The following PKN2 variants were observed in gnomAD, a reference collection of about 807,000 sequenced individuals.
PKN2 encodes protein kinase N2.
Under a neutral mutation model 119.1 loss-of-function variants are expected in PKN2, and 38 were observed. The observed-to-expected ratio is 0.32, with a 90% confidence interval of 0.25 to 0.42. The LOEUF is 0.42. PKN2 is among the 10% of genes least tolerant of loss of function. The pLI is 1.00. For missense variants in PKN2, 850 were observed against 1,165.1 expected (o/e 0.73, Z 3.94); for synonymous variants, 390 against 384.9 (o/e 1.01, Z -0.15).
intron 4 of PKN2, among the ~76,000 whole-genome samples, chr1:88,770,741 A>G (rs2100801113): frequency 6.6e-6 from 1 of 151,198 alleles, no homozygotes; most frequent in East Asian, 1.9e-4. Context: ...GTCCGCCACT[A>G]CGCCCGGCTA....
rs966130427 is a variant in PKN2, at chr1:88,765,449, A to G, written c.505-4903A>G. ...TCCATCCAGGTCCCTCCAACCGCCA[A>G]TCCTCCAGTATTGCCTGTTTAAGCT... On this transcript the variant is annotated intron_variant, in intron 3 of 21. Transcript: ENST00000370521. 9.2e-5 allele frequency among the ~76,000 whole-genome samples: 14 copies of G among 152,274 alleles called. No individual in the cohort carries two copies. In the East Asian group the frequency reaches 9.7e-4, roughly 11 times the overall value.
chr1:88,718,989 A>C (rs1667564755), intron 1 of PKN2, among the ~76,000 whole-genome samples: 1 of 152,172 alleles, frequency 6.6e-6, no homozygotes, highest in South Asian at 2.1e-4. Flanking sequence ...CCCCATTCCT[A>C]AACCCCCACC....
intron 3 of PKN2, among the ~76,000 whole-genome samples, chr1:88,768,223 A>G (rs910887805): frequency 7.9e-5 from 12 of 152,238 alleles, no homozygotes; most frequent in Non-Finnish European, 1.3e-4. Context: ...AGTTGCTGTA[A>G]CAAATTATCA....
Position 88,833,447 on chromosome 1 carries a change from A to G in PKN2, c.2954A>G (p.Ter985=), listed in dbSNP as rs776202989. 8 of 1,612,262 alleles carry G rather than the reference A, an allele frequency of 5.0e-6. No individual in the cohort carries two copies. Among genetic ancestry groups the G allele is most frequent in the Non-Finnish European group, 6.8e-6 (8 of 1,178,682 alleles). ...RDFDYIADWC[*] ...TTTGACTACATTGCTGATTGGTGTT[A>G]AGTTGCTAGACACTGCGAAACCAAG... The change falls in exon 22 of 22, where the codon TAA becomes TGA. Residue 985 remains the stop codon, a stop_retained_variant. Transcript: ENST00000370521.
intron 11 of PKN2, 63 bp from the exon 12 acceptor site, chr1:88,805,828 T>G (rs1362836633): frequency 1.2e-6 from 2 of 1,609,070 alleles, no homozygotes; most frequent in Non-Finnish European, 1.7e-6. Context: ...GCTTTAATTT[T>G]AAAGCTGTTT....
rs1449131941 is a variant in PKN2 at position 88,805,975 on chromosome 1, A to T, written c.1761A>T (p.Ile587=). 5.6e-6 allele frequency: 9 copies of T among 1,613,410 alleles called. No individual in the cohort carries two copies. Among genetic ancestry groups the T allele is most frequent in the African/African-American group, 1.3e-5 (1 of 74,916 alleles). The change falls in exon 12 of 22, where the codon ATA becomes ATT. Residue 587 remains isoleucine (I), a synonymous_variant. Transcript: ENST00000370521. ...APPRASSLGE[I]DESSELRVLD... is the part of the protein sequence containing the mutation. ...CACGAGCTTCTTCTCTTGGAGAAAT[A>T]GATGAATCTTCTGAATTAAGAGTTT... is the stretch of plus-strand genomic sequence containing the variant.
At chr1:88,793,121 T>C (rs1164997358) in intron 8 of PKN2, among the ~76,000 whole-genome samples, 1 of 152,232 alleles carries the variant, frequency 6.6e-6, no homozygotes, top group Non-Finnish European at 1.5e-5. Context: ...ACAGTTAATT[T>C]TATGCAGTTA....
At chr1:88,761,198 G>C (rs773495305) in intron 3 of PKN2, among the ~76,000 whole-genome samples, 1 of 152,096 alleles carries the variant, frequency 6.6e-6, no homozygotes, top group Non-Finnish European at 1.5e-5. Flanking sequence ...CGCTGAACCA[G>C]ATTATCCTCA....
chr1:88,700,196 G>A (rs1473249843), intron 1 of PKN2, among the ~76,000 whole-genome samples: 3 of 152,030 alleles, frequency 2.0e-5, no homozygotes, highest in African/African-American at 7.2e-5. Flanking sequence ...ATTGTGAATA[G>A]TGCTGCAGTG....
chr1:88,716,988 T>A (rs2100697121), intron 1 of PKN2, among the ~76,000 whole-genome samples: 1 of 152,346 alleles, frequency 6.6e-6, no homozygotes, highest in East Asian at 1.9e-4. Context: ...TAGGCAGGCC[T>A]GGTGGTGACA....
At position 88,833,712 on chromosome 1, in the gene PKN2, G is replaced by T. The variant is rs145835594; in HGVS notation, c.*264G>T. On this transcript the variant is annotated 3_prime_UTR_variant, in exon 22 of 22. Transcript: ENST00000370521. Reference sequence around the variant, plus strand: ...AACATCGGCCATGAAAATCCATCACGAATACTTTTGGATCAATAGTCTATT... The same window carrying T: ...AACATCGGCCATGAAAATCCATCACTAATACTTTTGGATCAATAGTCTATT... 212 of 367,182 alleles carry T rather than the reference G, an allele frequency of 5.8e-4. 2 individuals are homozygous for T. In the East Asian group the frequency reaches 9.0e-3, roughly 16 times the overall value. The allele number at this position is 367,182 out of a possible 1,614,324, so 22.7% of individuals were successfully genotyped here. A position where few individuals can be genotyped will look rare whatever the true frequency, so the allele number is the denominator to read the frequency against.
At chr1:88,763,808 A>G (rs1669546743) in intron 3 of PKN2, among the ~76,000 whole-genome samples, 1 of 152,170 alleles carries the variant, frequency 6.6e-6, no homozygotes, top group Admixed American at 6.5e-5. Flanking sequence ...GGAAGGAGGC[A>G]GAGTCAAAGA....
chr1:88,704,778 CAAAAAAAAAAA>C (rs35670791), intron 1 of PKN2, among the ~76,000 whole-genome samples: 2 of 75,950 alleles, frequency 2.6e-5, no homozygotes, highest in Non-Finnish European at 5.2e-5. Flanking sequence ...GACCCTGTCT[CAAAAAAAAAAA>C]AAAAAAAAAA....
intron 1 of PKN2, among the ~76,000 whole-genome samples, chr1:88,717,922 C>G (rs1667522040): frequency 6.6e-6 from 1 of 152,168 alleles, no homozygotes; most frequent in South Asian, 2.1e-4. Flanking sequence ...TTCTCCCCAT[C>G]TTTGTGGTTT....
intron 1 of PKN2, among the ~76,000 whole-genome samples, chr1:88,696,713 AG>A (rs777593658): frequency 7.2e-5 from 11 of 152,134 alleles, no homozygotes; most frequent in Non-Finnish European, 1.0e-4. Flanking sequence ...ACCTCTTGTG[AG>A]GTTGGGACAG....
chr1:88,789,117 C>G (rs1197279173), intron 8 of PKN2, among the ~76,000 whole-genome samples: 2 of 152,040 alleles, frequency 1.3e-5, no homozygotes, highest in Non-Finnish European at 2.9e-5. Context: ...CGACCGATCA[C>G]TGGGAAAGGA....
At chr1:88,782,632 T>A (rs1169554473) in intron 6 of PKN2, among the ~76,000 whole-genome samples, 12 of 152,174 alleles carry the variant, frequency 7.9e-5, no homozygotes, top group African/African-American at 2.2e-4. Flanking sequence ...ATTTTTTTTT[T>A]AATCTCAGAT....
intron 19 of PKN2, 44 bp from the exon 20 acceptor site, chr1:88,832,700 T>C (rs1408294566): frequency 8.2e-6 from 9 of 1,091,908 alleles, no homozygotes; most frequent in Non-Finnish European, 1.2e-5. Flanking sequence ...AAGATTTTAC[T>C]GCCTTAAAAC....
rs777239793 is a variant in PKN2 at position 88,805,554 on chromosome 1, T to C, written c.1559T>C (p.Leu520Pro). The change falls in exon 11 of 22, where the codon CTA (leucine) becomes CCA (proline). Residue 520 changes from leucine to proline, a missense_variant. Coordinates refer to ENST00000370521, the MANE Select transcript of PKN2 (RefSeq NM_006256.4). ...MNINIATWGR[L>P]VRRAIPTVNH... ...ATTAATATTGCCACTTGGGGAAGGC[T>C]AGTAAGAAGAGCTATTCCTACAGTA... 5 of 1,613,958 alleles carry C rather than the reference T, an allele frequency of 3.1e-6. No individual in the cohort carries two copies. Among genetic ancestry groups the C allele is most frequent in the Non-Finnish European group, 3.4e-6 (4 of 1,179,846 alleles).
Sources: allele counts gnomAD v4.1 joint callset (sites outside exome capture counted in the v4.1 genomes callset), GRCh38; gene constraint gnomAD v4.1.1; transcripts MANE v1.5; gene names NCBI Gene and HGNC (gene_info 2026-07-23, HGNC 2026-07-21).